Variants in ZMIZ1 observed in about 807,000 individuals in gnomAD.
The protein encoded by ZMIZ1 is zinc finger MIZ-type containing 1.
Under a neutral mutation model 113.9 loss-of-function variants are expected in ZMIZ1, and 17 were observed. The ratio of observed to expected loss-of-function variants is 0.15; its 90% CI spans 0.10 to 0.22. The LOEUF is 0.22. ZMIZ1 is among the 10% of genes least tolerant of loss of function. The pLI, the probability that ZMIZ1 is intolerant of heterozygous loss-of-function variation, is 1.00. For synonymous variants in ZMIZ1, 607 were observed against 603.1 expected, an observed-to-expected ratio of 1.01 and a Z score of -0.09; for missense variants, 1,059 against 1,477.8, an observed-to-expected ratio of 0.72 and a Z score of 4.65.
At chr10:79,105,462 C>T (rs1456166586) in intron 1 of ZMIZ1, among the ~76,000 whole-genome samples, 6 of 152,248 alleles carry the variant, frequency 3.9e-5, no homozygotes, top group Non-Finnish European at 7.3e-5. Flanking sequence ...GAGCTTCTTT[C>T]TGCTCCTCAA....
At chr10:79,160,679 C>A (rs1250254676) in intron 3 of ZMIZ1, among the ~76,000 whole-genome samples, 1 of 152,220 alleles carries the variant, frequency 6.6e-6, no homozygotes, top group African/African-American at 2.4e-5. Context: ...TTATCGAGGC[C>A]CTGGGCACCA....
intron 23 of ZMIZ1, among the ~76,000 whole-genome samples, chr10:79,310,558 G>A (rs1399308436): frequency 2.6e-5 from 4 of 152,066 alleles, no homozygotes; most frequent in African/African-American, 9.7e-5. Flanking sequence ...CCCGGAACAT[G>A]CCCATTCTGC....
chr10:79,118,851 G>A lies in ZMIZ1; in HGVS notation c.-336-64G>A, dbSNP rs1035701085. 5.1e-4 allele frequency: 77 copies of A among 152,364 alleles called. 1 individual carries two copies. Among genetic ancestry groups the A allele is most frequent in the African/African-American group, 1.8e-3 (75 of 41,458 alleles). The allele number at this position is 152,364 out of a possible 1,614,324, so 9.4% of individuals were successfully genotyped here. ...GCCAGGACCTAGAGGTCCATGACGT[G>A]GGTGAGGGGCTGCCCGCAGGGTCAG... On this transcript the variant is annotated intron_variant, in intron 1 of 24. Coordinates refer to ENST00000334512, the MANE Select transcript of ZMIZ1 (RefSeq NM_020338.4). This position sits in a 1 kb window ranked among gnomAD's most constrained non-coding sequence, Gnocchi z 4.1.
At chr10:79,311,343 C>T (rs1855146400) in intron 24 of ZMIZ1, among the ~76,000 whole-genome samples, 159 bp downstream of exon 24, 1 of 152,172 alleles carries the variant, frequency 6.6e-6, no homozygotes, top group African/African-American at 2.4e-5. Context: ...CAGGAAGCCC[C>T]ATGATGGGGA....
intron 1 of ZMIZ1, among the ~76,000 whole-genome samples, chr10:79,078,719 ATT>A (rs10673987): frequency 5.6e-5 from 7 of 125,064 alleles, no homozygotes; most frequent in Admixed American, 1.6e-4. Context: ...TAATTTTTGT[ATT>A]TTTTTTTTTT....
At position 79,306,204 on chromosome 10, in the gene ZMIZ1, A is replaced by G; in HGVS notation, c.2528A>G (p.Lys843Arg). Residue 843 changes from lysine (K) to arginine (R), a missense_variant, in exon 22 of 25, where the codon AAG (lysine) becomes AGG (arginine). Lys to Arg is a conservative substitution (Grantham distance 26, BLOSUM62 2). Around this residue, in one of 6 missense-constraint regions of ZMIZ1, gnomAD observed 217 missense variants for 426.9 expected, o/e 0.51. Transcript: ENST00000334512. ...IKDDPDGIPS[K>R]RFKTMSPSQM... ...GACGACCCTGATGGCATCCCCTCCA[A>G]GCGGTTCAAGACCATGAGTCCCAGC... The G allele has an allele frequency of 6.2e-7, 1 of 1,614,176 alleles. No individual in the cohort carries two copies. The highest frequency in any genetic ancestry group is 8.5e-7 in the Non-Finnish European group (1 of 1,180,020).
intron 2 of ZMIZ1, among the ~76,000 whole-genome samples, chr10:79,136,413 G>T (rs1275753287): frequency 6.6e-6 from 1 of 152,260 alleles, no homozygotes; most frequent in African/African-American, 2.4e-5. Context: ...GGAGGCCCCT[G>T]TTTCCTGCCG....
At chr10:79,091,265 G>A (rs1414016020) in intron 1 of ZMIZ1, among the ~76,000 whole-genome samples, 2 of 152,062 alleles carry the variant, frequency 1.3e-5, no homozygotes, top group Non-Finnish European at 2.9e-5. Flanking sequence ...ACATAAGTAG[G>A]TATATGTATT....
intron 1 of ZMIZ1, among the ~76,000 whole-genome samples, chr10:79,072,421 A>G (rs1296108160): frequency 6.6e-6 from 1 of 152,212 alleles, no homozygotes; most frequent in East Asian, 1.9e-4. Context: ...AGAGCTGCAG[A>G]CTTCACTTTT....
chr10:79,070,960 A>C (rs1463026682), intron 1 of ZMIZ1, among the ~76,000 whole-genome samples: 1 of 151,982 alleles, frequency 6.6e-6, no homozygotes, highest in Non-Finnish European at 1.5e-5. Flanking sequence ...AGCCCAAACA[A>C]ATGTTCTCTC....
At chr10:79,138,732 C>T (rs1423725502) in intron 2 of ZMIZ1, among the ~76,000 whole-genome samples, 1 of 152,164 alleles carries the variant, frequency 6.6e-6, no homozygotes, top group African/African-American at 2.4e-5. Context: ...TGGTAGTCTA[C>T]AGCAAGATTC....
chr10:79,164,501 G>T (rs1628023), intron 4 of ZMIZ1, among the ~76,000 whole-genome samples: 56,206 of 151,908 alleles, frequency 0.37, 10,889 homozygotes, highest in Non-Finnish European at 0.43. Flanking sequence ...ATAGGATATT[G>T]TGACTGTAGC....
intron 7 of ZMIZ1, among the ~76,000 whole-genome samples, chr10:79,230,680 AAGCCGGGAAGCCAGC>A (rs1411486393): frequency 1.3e-5 from 2 of 152,128 alleles, no homozygotes; most frequent in African/African-American, 4.8e-5. Context: ...CTCCCTGGGG[AAGCCGGGAAGCCAGC>A]ACTCTGAAGC....
At chr10:79,262,232 C>A (rs114418433) in intron 7 of ZMIZ1, among the ~76,000 whole-genome samples, 6,861 of 152,330 alleles carry the variant, frequency 0.045, 174 homozygotes, top group African/African-American at 0.051. Flanking sequence ...CCCAGGTCAG[C>A]AGCATCAGCA....
intron 5 of ZMIZ1, among the ~76,000 whole-genome samples, chr10:79,206,815 G>A (rs1213037675): frequency 1.3e-5 from 2 of 152,212 alleles, no homozygotes; most frequent in Non-Finnish European, 2.9e-5. Flanking sequence ...GGGCTTTGTT[G>A]CTGCTTGCCT....
In ZMIZ1 at chr10:79,277,319, C is replaced by T. The variant is rs1852362021; in HGVS notation, c.419C>T (p.Ser140Leu). Residue 140 changes from serine to leucine, a missense_variant, in exon 8 of 25, where the codon TCG becomes TTG. Around this residue, in one of 6 missense-constraint regions of ZMIZ1, gnomAD observed 272 missense variants for 350.4 expected, o/e 0.78. Transcript: ENST00000334512. Reference sequence around the variant, plus strand: ...ATGAGCTCCATGAAACCCACTCTGTCGCACAGGTAAGTGGGTGGGTGCCAT... The same window carrying T: ...ATGAGCTCCATGAAACCCACTCTGTTGCACAGGTAAGTGGGTGGGTGCCAT... ...SSMSSMKPTL[S>L]HSDGSFPYDS... The T allele has an allele frequency of 6.3e-7, 1 of 1,595,320 alleles. No homozygotes were observed. Among genetic ancestry groups the T allele is most frequent in the Non-Finnish European group, 8.5e-7 (1 of 1,171,392 alleles).
chr10:79,086,767 AT>A (rs532054143), intron 1 of ZMIZ1, among the ~76,000 whole-genome samples: 116 of 151,670 alleles, frequency 7.6e-4, no homozygotes, highest in Non-Finnish European at 1.0e-3. Context: ...TTTTATTTTT[AT>A]TTTTTTTAAA....
chr10:79,132,266 C>T (rs1277564230), intron 2 of ZMIZ1, among the ~76,000 whole-genome samples: 1 of 152,202 alleles, frequency 6.6e-6, no homozygotes, highest in African/African-American at 2.4e-5. Context: ...TGCTTGTCCA[C>T]TCCAAGTCCT....
At chr10:79,148,973 G>A (rs1323003490) in intron 3 of ZMIZ1, among the ~76,000 whole-genome samples, 1 of 152,250 alleles carries the variant, frequency 6.6e-6, no homozygotes, top group African/African-American at 2.4e-5. Context: ...CAAGTCATCA[G>A]TGGCCTGCGC....
Sources: gnomAD v4.1 joint callset for allele counts (sites outside exome capture counted in the v4.1 genomes callset) on GRCh38, gnomAD v4.1.1 for gene constraint, gnomAD v4.1.1 regional missense constraint, Gnocchi (gnomAD v3.1) non-coding constraint, MANE v1.5 for transcripts, NCBI Gene and HGNC (gene_info 2026-07-23, HGNC 2026-07-21) for gene names.